The following SYF2 variants were observed in gnomAD, a reference collection of about 807,000 sequenced individuals.
SYF2 encodes pre-mRNA-splicing factor SYF2.
A neutral mutation model predicts 32.7 loss-of-function variants in SYF2; 21 were observed. That is an observed-to-expected ratio of 0.64 (90% CI 0.45 to 0.92). SYF2 has a LOEUF of 0.92. SYF2 is among the 40% of genes least tolerant of loss of function. SYF2 has a pLI of 0.00. For missense variants in SYF2, 278 were observed against 296.5 expected (o/e 0.94, Z 0.46); for synonymous variants, 114 against 103.9 (o/e 1.10, Z -0.59).
intron 5 of SYF2, among the ~76,000 whole-genome samples, chr1:25,226,982 T>TAA (rs573395655): frequency 7.1e-6 from 1 of 141,006 alleles, no homozygotes. Context: ...CACCGTCTCT[T>TAA]AAAAAAAAAA....
intron 3 of SYF2, among the ~76,000 whole-genome samples, chr1:25,228,754 C>T (rs1199992467): frequency 6.6e-6 from 1 of 152,240 alleles, no homozygotes; most frequent in Non-Finnish European, 1.5e-5. Flanking sequence ...CATGCATTAA[C>T]TCACTTAATT....
intron 6 of SYF2, among the ~76,000 whole-genome samples, chr1:25,224,549 C>T (rs974597853): frequency 4.6e-5 from 7 of 152,136 alleles, no homozygotes; most frequent in Admixed American, 4.6e-4. Context: ...GGAGCCACCA[C>T]GCCCAGCCCA....
chr1:25,232,236 G>A lies in SYF2; in HGVS notation c.25-25C>T, dbSNP rs757344177. On this transcript the variant is annotated intron_variant, in intron 1 of 6. Coordinates refer to ENST00000236273, the MANE Select transcript of SYF2 (RefSeq NM_015484.5). ...CCTGCGACAAGGAGAACTGGCTTCA[G>A]GCAGAGCCGGCTCAGCTTCTCCCAG... 100 of 1,604,180 alleles carry A rather than the reference G, an allele frequency of 6.2e-5. No homozygotes were observed. In the East Asian group the frequency reaches 1.8e-3, roughly 29 times the overall value.
Position 25,223,101 on chromosome 1 carries a change from G to A in SYF2, c.*165C>T. ...AGCACAAAAATGTGGAAATATACAT[G>A]AAAGGATATACGTTTAAGAAACCAC... On this transcript the variant is annotated 3_prime_UTR_variant, in exon 7 of 7. Transcript: ENST00000236273. 1.8e-6 allele frequency: 1 copy of A among 564,172 alleles called. No homozygotes were observed. The highest frequency in any genetic ancestry group is 3.0e-6 in the Non-Finnish European group (1 of 337,814). 34.9% of individuals were successfully genotyped at this position (564,172 alleles called of 1,614,324 possible). A position where few individuals can be genotyped will look rare whatever the true frequency, so the allele number is the denominator to read the frequency against.
At chr1:25,227,318 C>A in intron 5 of SYF2, 124 bp downstream of exon 5, 1 of 799,698 alleles carries the variant, frequency 1.3e-6, no homozygotes, top group East Asian at 2.7e-5. Context: ...AAAACAGAGA[C>A]CATCCTTAGA....
intron 5 of SYF2, among the ~76,000 whole-genome samples, chr1:25,225,364 C>T (rs1005992054): frequency 5.3e-5 from 8 of 151,072 alleles, no homozygotes; most frequent in African/African-American, 2.0e-4. Context: ...CCAGTAGAGA[C>T]TGAAAATATA....
chr1:25,227,592 A>G, intron 4 of SYF2, 60 bp from the exon 5 acceptor site: 1 of 1,461,774 alleles, frequency 6.8e-7, no homozygotes, highest in Non-Finnish European at 9.4e-7. Flanking sequence ...CTTCCTATTG[A>G]GAGAAAAATC....
At chr1:25,224,188 C>T (rs1038878430) in intron 6 of SYF2, among the ~76,000 whole-genome samples, 3 of 150,452 alleles carry the variant, frequency 2.0e-5, no homozygotes, top group Non-Finnish European at 3.0e-5. Flanking sequence ...AGTGAGACTC[C>T]GTCTCAAAAA....
chr1:25,227,498 C>T lies in SYF2; in HGVS notation c.411G>A (p.Arg137=). 3 of 1,613,692 alleles carry T rather than the reference C, an allele frequency of 1.9e-6. No individual in the cohort carries two copies. Among genetic ancestry groups the T allele is most frequent in the African/African-American group, 1.3e-5 (1 of 74,978 alleles). Residue 137 remains arginine, a synonymous_variant, in exon 5 of 7, where the codon CGG becomes CGA. Transcript: ENST00000236273. ...YAAAQLRQYH[R]LTKQIKPDME... is the part of the protein sequence containing the mutation. ...TGTCAGGTTTGATCTGCTTGGTCAACCGATGATACTGGCGTAACTGGGCAG... is the reference window on the plus strand; with the variant it reads ...TGTCAGGTTTGATCTGCTTGGTCAATCGATGATACTGGCGTAACTGGGCAG...
intron 2 of SYF2, among the ~76,000 whole-genome samples, chr1:25,229,730 G>A (rs1055602567): frequency 5.3e-5 from 8 of 149,966 alleles, no homozygotes; most frequent in African/African-American, 1.7e-4. Flanking sequence ...AGCTGAGATT[G>A]CACTACTGCA....
At position 25,225,098 on chromosome 1, in the gene SYF2, C is replaced by A. The variant is rs760289070; in HGVS notation, c.470G>T (p.Gly157Val). 6.2e-7 allele frequency: 1 copy of A among 1,612,232 alleles called. No individual in the cohort carries two copies. The highest frequency in any genetic ancestry group is 1.7e-5 in the Admixed American group (1 of 59,996). ...ATTGGATGTTGGGAAAAACTCTTCT[C>A]CACTGAAAAGGCAGCAAAATGAACT... ...ETYERLREKH[G>V]EEFFPTSNSL... Residue 157 changes from glycine (G) to valine (V), a missense_variant and splice_region_variant, in exon 6 of 7, where the codon GGA becomes GTA. Physicochemically the swap from Gly to Val is moderately radical, Grantham distance 109. Coordinates refer to ENST00000236273, the MANE Select transcript of SYF2 (RefSeq NM_015484.5).
intron 4 of SYF2, 122 bp downstream of exon 4, chr1:25,227,996 G>C (rs527647710): frequency 2.2e-4 from 171 of 766,386 alleles, no homozygotes; most frequent in Non-Finnish European, 3.6e-4. Context: ...ACTTTTCTTG[G>C]TCTTAAGCCT....
At chr1:25,227,914 CA>C (rs1219618860) in intron 4 of SYF2, among the ~76,000 whole-genome samples, 2 of 152,152 alleles carry the variant, frequency 1.3e-5, no homozygotes, top group East Asian at 3.8e-4. Flanking sequence ...ATTTTATCAT[CA>C]AGTATTTAAA....
intron 6 of SYF2, among the ~76,000 whole-genome samples, chr1:25,224,479 A>G (rs1638468356): frequency 6.6e-6 from 1 of 152,134 alleles, no homozygotes; most frequent in Non-Finnish European, 1.5e-5. Flanking sequence ...GCTGTTCTCA[A>G]AGTCCTGGGC....
At chr1:25,232,388 C>A in intron 1 of SYF2, 56 bp downstream of exon 1, 21 of 1,613,906 alleles carry the variant, frequency 1.3e-5, no homozygotes, top group Non-Finnish European at 1.6e-5. Context: ...TCTCTCCAGG[C>A]CGCTCCCCGG....
Position 25,228,220 on chromosome 1 carries a change from C to T in SYF2, c.274G>A (p.Gly92Arg). Reference protein sequence around the residue: ...EEKKKECAARGEDYEKVKLLE... With the variant: ...EEKKKECAARREDYEKVKLLE... ...AACTTCACTTTCTCATAGTCTTCTC[C>T]TCTTGCCGCACATTCCTAAAAAGAA... Residue 92 changes from glycine to arginine, a missense_variant, in exon 4 of 7, where the codon GGA (glycine) becomes AGA (arginine). Transcript: ENST00000236273. The T allele has an allele frequency of 6.2e-7, 1 of 1,612,852 alleles. No homozygotes were observed. The highest frequency in any genetic ancestry group is 8.5e-7 in the Non-Finnish European group (1 of 1,179,884).
At chr1:25,229,604 G>A (rs574785088) in intron 2 of SYF2, among the ~76,000 whole-genome samples, 14 of 151,904 alleles carry the variant, frequency 9.2e-5, no homozygotes, top group African/African-American at 1.9e-4. Context: ...GTGAAACCCC[G>A]TCTCTACTAA....
At position 25,223,329 on chromosome 1, in the gene SYF2, T is replaced by C. The variant is rs942929197; in HGVS notation, c.669A>G (p.Glu223=). Reference sequence around the variant, plus strand: ...CAGCTGTGTATTTCCCATAGAATCTTTCAGCTTTCTTGTTGAATTTGGCAT... The same window carrying C: ...CAGCTGTGTATTTCCCATAGAATCTCTCAGCTTTCTTGTTGAATTTGGCAT... ...ERNAKFNKKA[E]RFYGKYTAEI... The change falls in exon 7 of 7, where the codon GAA becomes GAG. Residue 223 remains glutamate, a synonymous_variant. Transcript: ENST00000236273. The C allele has an allele frequency of 1.2e-6, 2 of 1,614,006 alleles. No homozygotes were observed. The highest frequency in any genetic ancestry group is 1.7e-6 in the Non-Finnish European group (2 of 1,180,006).
Position 25,223,948 on chromosome 1 carries a change from CT to C in SYF2, c.567-518del, listed in dbSNP as rs372820400. On this transcript the variant is annotated intron_variant, in intron 6 of 6. Transcript: ENST00000236273. ...GTGGCTCATGCCTGTAACCCCAGCA[CT>C]TTGGGAGGCCAAGGCAGGTAGATCA... Among the ~76,000 whole-genome samples, 35 of 152,288 alleles carry C rather than the reference CT, an allele frequency of 2.3e-4. 1 individual carries two copies. The East Asian group carries it at 5.6e-3, about 24-fold the overall frequency.
Sources: gnomAD v4.1 joint callset for allele counts (sites outside exome capture counted in the v4.1 genomes callset) on GRCh38, gnomAD v4.1.1 for gene constraint, MANE v1.5 for transcripts, NCBI Gene and HGNC (gene_info 2026-07-23, HGNC 2026-07-21) for gene names.